SLC25A23: variants seen among roughly 807,000 people sequenced by gnomAD.
SLC25A23 encodes solute carrier family 25 member 23, also known as mitochondrial adenyl nucleotide antiporter SLC25A23.
In SLC25A23, 32 loss-of-function variants were observed where a neutral mutation model predicts 53.9. The observed-to-expected ratio is 0.59, with a 90% CI of 0.45 to 0.80. The LOEUF is 0.80. SLC25A23 is among the 30% of genes least tolerant of loss of function. The pLI, the probability that SLC25A23 is intolerant of heterozygous loss-of-function variation, is 0.00. For synonymous variants in SLC25A23, 275 were observed against 264.5 expected, an observed-to-expected ratio of 1.04 and a Z score of -0.38; for missense variants, 575 against 651.4, an observed-to-expected ratio of 0.88 and a Z score of 1.28.
In SLC25A23 at chr19:6,452,419, C is replaced by T. The variant is rs374257352; in HGVS notation, c.964G>A (p.Ala322Thr). ...CCCTCCCTCTCCAGGATACGCCTGG[C>T]GCAGTCCAGCAGCCCCTTATACTGG... Reference protein sequence around the residue: ...TGQYKGLLDCARRILEREGPR... With the variant: ...TGQYKGLLDCTRRILEREGPR... The change falls in exon 8 of 10, where the codon GCC (alanine) becomes ACC (threonine). Residue 322 changes from alanine to threonine, a missense_variant. Transcript: ENST00000301454. 3.1e-5 allele frequency: 50 copies of T among 1,613,784 alleles called. 1 individual carries two copies. The highest frequency in any genetic ancestry group is 8.3e-5 in the Admixed American group (5 of 59,978).
intron 8 of SLC25A23, among the ~76,000 whole-genome samples, chr19:6,447,626 G>C (rs1220229111): frequency 6.6e-6 from 1 of 151,926 alleles, no homozygotes; most frequent in Non-Finnish European, 1.5e-5. Context: ...GGGATTACAG[G>C]CTTATGCCAC....
chr19:6,456,594 G>A lies in SLC25A23; in HGVS notation c.372-63C>T, dbSNP rs541607862. 5 of 1,312,158 alleles carry A rather than the reference G, an allele frequency of 3.8e-6. No homozygotes were observed. In the Admixed American group the frequency reaches 8.8e-5, roughly 23 times the overall value. 81.3% of individuals were successfully genotyped at this position (1,312,158 alleles called of 1,614,324 possible). On this transcript the variant is annotated intron_variant, in intron 3 of 9. Coordinates refer to ENST00000301454, the MANE Select transcript of SLC25A23 (RefSeq NM_024103.3). ...GTGCCTGGGGGTGGGCTAGGCTGGG[G>A]TGAAGTTCTGCTAGGTTTTGCAGTT...
chr19:6,453,683 G>A (rs1457284871), intron 7 of SLC25A23, among the ~76,000 whole-genome samples: 2 of 152,140 alleles, frequency 1.3e-5, no homozygotes, highest in African/African-American at 4.8e-5. Flanking sequence ...GTGACACCTA[G>A]ACACGACGTC....
At chr19:6,453,761 C>T (rs1245173660) in intron 7 of SLC25A23, among the ~76,000 whole-genome samples, 1 of 152,208 alleles carries the variant, frequency 6.6e-6, no homozygotes, top group African/African-American at 2.4e-5. Flanking sequence ...TGACTACCAT[C>T]CAAACAAGGA....
chr19:6,441,972 C>G lies in SLC25A23; in HGVS notation c.*3G>C, dbSNP rs930536965. The G allele has an allele frequency of 1.7e-5, 28 of 1,613,276 alleles. No individual in the cohort carries two copies. Among genetic ancestry groups the G allele is most frequent in the Non-Finnish European group, 2.3e-5 (27 of 1,179,790 alleles). On this transcript the variant is annotated 3_prime_UTR_variant, in exon 10 of 10. Transcript: ENST00000301454. ...GGGATTGGGGGGACGGGCTCCGGGT[C>G]CCTCACCTGGACGTGACCCCCAAGG...
chr19:6,458,158 C>T, intron 2 of SLC25A23, 40 bp downstream of exon 2: 1 of 1,607,878 alleles, frequency 6.2e-7, no homozygotes, highest in Non-Finnish European at 8.5e-7. Context: ...CCCCCACAGC[C>T]CTATCCCTTG....
At position 6,452,422 on chromosome 19, in the gene SLC25A23, A is replaced by C. The variant is rs2092605884; in HGVS notation, c.961T>G (p.Cys321Gly). The change falls in exon 8 of 10, where the codon TGC becomes GGC. Residue 321 changes from cysteine (C) to glycine (G), a missense_variant. Coordinates refer to ENST00000301454, the MANE Select transcript of SLC25A23 (RefSeq NM_024103.3). ...TCCCTCTCCAGGATACGCCTGGCGC[A>C]GTCCAGCAGCCCCTTATACTGGCCC... is the stretch of plus-strand genomic sequence containing the variant. ...RTGQYKGLLDCARRILEREGP... is the reference protein window; with the variant it reads ...RTGQYKGLLDGARRILEREGP... 2.5e-6 allele frequency: 4 copies of C among 1,613,826 alleles called. No homozygotes were observed. In the Admixed American group the frequency reaches 6.7e-5, roughly 27 times the overall value.
intron 9 of SLC25A23, among the ~76,000 whole-genome samples, chr19:6,443,381 C>T (rs1406139326): frequency 1.3e-5 from 2 of 152,138 alleles, no homozygotes; most frequent in Non-Finnish European, 2.9e-5. Context: ...GCCACCACGC[C>T]TGGCTAATTT....
Position 6,456,403 on chromosome 19 carries a change from A to AGCCACCCCCACCTCACCGTGGAAT in SLC25A23, c.476_483+16dup. 1 of 1,608,366 alleles carries AGCCACCCCCACCTCACCGTGGAAT rather than the reference A, an allele frequency of 6.2e-7. No homozygotes were observed. Among genetic ancestry groups the AGCCACCCCCACCTCACCGTGGAAT allele is most frequent in the Non-Finnish European group, 8.5e-7 (1 of 1,174,890 alleles). The stretch of plus-strand genomic sequence containing the variant: ...GAGGGCACAGCCTTCAGCTGGGGAA[A>AGCCACCCCCACCTCACCGTGGAAT]GCCACCCCCACCTCACCGTGGAATG... On this transcript the variant is annotated intron_variant, in intron 4 of 9. Coordinates refer to ENST00000301454, the MANE Select transcript of SLC25A23 (RefSeq NM_024103.3).
At chr19:6,456,727 T>C (rs1340935424) in intron 3 of SLC25A23, among the ~76,000 whole-genome samples, 196 bp from the exon 4 acceptor site, 4 of 152,134 alleles carry the variant, frequency 2.6e-5, no homozygotes, top group African/African-American at 9.7e-5. Context: ...TTGCCCAGGC[T>C]AGAGAGCAAT....
chr19:6,444,033 G>T, intron 9 of SLC25A23, 118 bp downstream of exon 9: 1 of 1,105,204 alleles, frequency 9.0e-7, no homozygotes, highest in Non-Finnish European at 1.2e-6. Flanking sequence ...ATGGGGAAAC[G>T]GAGGCCCAGA....
At chr19:6,439,506 T>A (rs930120982), downstream of SLC25A23, among the ~76,000 whole-genome samples, 12 of 151,458 alleles carry the variant, frequency 7.9e-5, no homozygotes, top group South Asian at 2.1e-4. Flanking sequence ...AAGGATAATT[T>A]GAAAAAAAAT....
chr19:6,452,610 C>T, intron 7 of SLC25A23, 131 bp from the exon 8 acceptor site: 12 of 1,102,558 alleles, frequency 1.1e-5, no homozygotes, highest in Non-Finnish European at 1.5e-5. Flanking sequence ...AAACCACCTA[C>T]TCTAGAATCT....
chr19:6,443,468 T>C, intron 9 of SLC25A23: 1 of 607,198 alleles, frequency 1.6e-6, no homozygotes, highest in South Asian at 1.9e-5. Context: ...ACTCAAATGA[T>C]CCTTCCTCTT....
At chr19:6,452,660 C>A (rs1268982531) in intron 7 of SLC25A23, 181 bp from the exon 8 acceptor site, 3 of 645,886 alleles carry the variant, frequency 4.6e-6, no homozygotes, top group Non-Finnish European at 4.9e-6. Flanking sequence ...AATAGTTACA[C>A]CTACCAAAGT....
chr19:6,454,229 G>A lies in SLC25A23; in HGVS notation c.795+94C>T. On this transcript the variant is annotated intron_variant, in intron 6 of 9. Coordinates refer to ENST00000301454, the MANE Select transcript of SLC25A23 (RefSeq NM_024103.3). This position sits in a 1 kb window ranked among gnomAD's most constrained non-coding sequence, Gnocchi z 4.3. ...CAGATGCCTGATCCTGGGGACCTGTGTTCACCACCCACCCCCAAGCCAATC... is the reference window on the plus strand; with the variant it reads ...CAGATGCCTGATCCTGGGGACCTGTATTCACCACCCACCCCCAAGCCAATC... The A allele has an allele frequency of 2.0e-6, 3 of 1,536,296 alleles. No individual in the cohort carries two copies. Among genetic ancestry groups the A allele is most frequent in the Non-Finnish European group, 2.6e-6 (3 of 1,135,430 alleles).
At position 6,441,673 on chromosome 19, in the gene SLC25A23, T is replaced by G; in HGVS notation, c.*302A>C. On this transcript the variant is annotated 3_prime_UTR_variant, in exon 10 of 10. Coordinates refer to ENST00000301454, the MANE Select transcript of SLC25A23 (RefSeq NM_024103.3). ...GTGTGGATAATCTTGAATCTTGTGG[T>G]TAGGGTAGCAGACTTGAGTTGCTGA... 4.9e-6 allele frequency: 2 copies of G among 408,946 alleles called. No homozygotes were observed. Among genetic ancestry groups the G allele is most frequent in the Non-Finnish European group, 9.1e-6 (2 of 220,036 alleles). 25.3% of individuals were successfully genotyped at this position (408,946 alleles called of 1,614,324 possible). A position where few individuals can be genotyped will look rare whatever the true frequency, so the allele number is the denominator to read the frequency against.
chr19:6,456,611 T>A, intron 3 of SLC25A23, 80 bp from the exon 4 acceptor site: 1 of 1,101,654 alleles, frequency 9.1e-7, no homozygotes, highest in South Asian at 1.3e-5. Context: ...TCTGCTAGGT[T>A]TTGCAGTTTG....
In SLC25A23 at chr19:6,454,335, C is replaced by T. The variant is rs761183980; in HGVS notation, c.783G>A (p.Met261Ile). 52 of 1,613,814 alleles carry T rather than the reference C, an allele frequency of 3.2e-5. No homozygotes were observed. The highest frequency in any genetic ancestry group is 3.3e-4 in the Middle Eastern group (2 of 6,082). Reference sequence around the variant, plus strand: ...TACCTGCCCTCACCTGTTCATAGGCCATGAACTTGATAGCTGACTCGGGGG... The same window carrying T: ...TACCTGCCCTCACCTGTTCATAGGCTATGAACTTGATAGCTGACTCGGGGG... ...KIAPESAIKF[M>I]AYEQIKRAIL... is the part of the protein sequence containing the mutation. The change falls in exon 6 of 10, where the codon ATG (methionine) becomes ATA (isoleucine). Residue 261 changes from methionine to isoleucine, a missense_variant. Transcript: ENST00000301454. This position sits in a 1 kb window ranked among gnomAD's most constrained non-coding sequence, Gnocchi z 4.3.
Sources: gnomAD v4.1 joint callset for allele counts (sites outside exome capture counted in the v4.1 genomes callset) on GRCh38, gnomAD v4.1.1 for gene constraint, Gnocchi (gnomAD v3.1) non-coding constraint, MANE v1.5 for transcripts, NCBI Gene and HGNC (gene_info 2026-07-23, HGNC 2026-07-21) for gene names.